Variants in SLC4A1 observed in about 807,000 individuals in gnomAD.
SLC4A1 encodes band 3 anion transport protein.
A neutral mutation model predicts 93.1 loss-of-function variants in SLC4A1; 29 were observed. The ratio of observed to expected loss-of-function variants is 0.31; its 90% CI spans 0.23 to 0.42. SLC4A1 has a LOEUF of 0.42. SLC4A1 is among the 20% of genes least tolerant of loss of function. SLC4A1 has a pLI of 1.00. For missense variants in SLC4A1, 965 were observed against 1,190.1 expected, an observed-to-expected ratio of 0.81 and a Z score of 2.78; for synonymous variants, 469 against 497.2, an observed-to-expected ratio of 0.94 and a Z score of 0.76.
At chr17:44,256,639 C>T in intron 13 of SLC4A1, among the ~76,000 whole-genome samples, 1 of 152,224 alleles carries the variant, frequency 6.6e-6, no homozygotes, top group East Asian at 1.9e-4. Flanking sequence ...GCTCCAGAGT[C>T]CCCCCAGCTC....
intron 6 of SLC4A1, 102 bp from the exon 7 acceptor site, chr17:44,260,034 C>G: frequency 6.8e-7 from 1 of 1,463,658 alleles, no homozygotes; most frequent in Non-Finnish European, 9.5e-7. Flanking sequence ...GGGTAGACAT[C>G]AAGGGTAGAC....
In SLC4A1 at chr17:44,258,945, A is replaced by C. The variant is rs924222917; in HGVS notation, c.876+218T>G. On this transcript the variant is annotated intron_variant, in intron 9 of 19. Coordinates refer to ENST00000262418, the MANE Select transcript of SLC4A1 (RefSeq NM_000342.4). This position sits in a 1 kb window ranked among gnomAD's most constrained non-coding sequence, Gnocchi z 6.1. Reference sequence around the variant, plus strand: ...ACCAGGTCATAGTGAGCTGGACTAGACTAAGCCAGGCCAAAGCCAACCAGA... The same window carrying C: ...ACCAGGTCATAGTGAGCTGGACTAGCCTAAGCCAGGCCAAAGCCAACCAGA... Among the ~76,000 whole-genome samples, 4 of 152,250 alleles carry C rather than the reference A, an allele frequency of 2.6e-5. No homozygotes were observed. Among genetic ancestry groups the C allele is most frequent in the Middle Eastern group, 3.4e-3 (1 of 294 alleles).
chr17:44,265,471 G>A (rs936833311), intron 1 of SLC4A1, among the ~76,000 whole-genome samples: 5 of 152,156 alleles, frequency 3.3e-5, no homozygotes, highest in African/African-American at 9.6e-5. Context: ...CTGGGTTCAC[G>A]CCATTCTCCT....
At position 44,253,056 on chromosome 17, in the gene SLC4A1, G is replaced by C. The variant is rs566131542; in HGVS notation, c.2311+62C>G. ...TGCTGGGTCCGAACAGAAAGGGGAA[G>C]GGGAAGGGGCCGGGGGTGAGGGGCA... On this transcript the variant is annotated intron_variant, in intron 17 of 19. Transcript: ENST00000262418. The C allele has an allele frequency of 5.7e-5, 90 of 1,579,178 alleles. No individual in the cohort carries two copies. In the South Asian group the frequency reaches 8.6e-4, roughly 15 times the overall value.
At chr17:44,263,732 TCCTTCCTC>T (rs1393733404) in intron 1 of SLC4A1, among the ~76,000 whole-genome samples, 9 of 146,780 alleles carry the variant, frequency 6.1e-5, no homozygotes, top group African/African-American at 2.1e-4. Flanking sequence ...CTTCCTTCCT[TCCTTCCTC>T]CATCCCTGCT....
Position 44,262,839 on chromosome 17 carries a change from A to AGGGAACACCCACCTGCAGCTCCTC in SLC4A1, c.4_15+12dup. 1 of 1,613,806 alleles carries AGGGAACACCCACCTGCAGCTCCTC rather than the reference A, an allele frequency of 6.2e-7. No individual in the cohort carries two copies. Among genetic ancestry groups the AGGGAACACCCACCTGCAGCTCCTC allele is most frequent in the Middle Eastern group, 1.7e-4 (1 of 6,058 alleles). On this transcript the variant is annotated intron_variant, in intron 2 of 19. Coordinates refer to ENST00000262418, the MANE Select transcript of SLC4A1 (RefSeq NM_000342.4). ...TCCAGGTGGGAGCACTGCTGATGCCAGGGAACACCCACCTGCAGCTCCTCC... is the reference window on the plus strand; with the variant it reads ...TCCAGGTGGGAGCACTGCTGATGCCAGGGAACACCCACCTGCAGCTCCTCGGGAACACCCACCTGCAGCTCCTCC...
chr17:44,251,412 C>T lies in SLC4A1; in HGVS notation c.2481+7G>A. 1 of 1,614,280 alleles carries T rather than the reference C, an allele frequency of 6.2e-7. No individual in the cohort carries two copies. On this transcript the variant is annotated splice_region_variant and intron_variant, in intron 18 of 19. Coordinates refer to ENST00000262418, the MANE Select transcript of SLC4A1 (RefSeq NM_000342.4). ...CCAGGCTGGGCAGCCAGAAAAGGGT[C>T]CTGTACCCGCTTGACGTAGGGCACA...
In SLC4A1 at chr17:44,250,453, G is replaced by C; in HGVS notation, c.*5C>G. 1 of 1,610,616 alleles carries C rather than the reference G, an allele frequency of 6.2e-7. No individual in the cohort carries two copies. Among genetic ancestry groups the C allele is most frequent in the Non-Finnish European group, 8.5e-7 (1 of 1,177,048 alleles). The stretch of plus-strand genomic sequence containing the variant: ...GGGGGAGGGTCTAGGGCCTGGGCCC[G>C]CCCCTCACACAGGCATGGCCACTTC... On this transcript the variant is annotated 3_prime_UTR_variant, in exon 20 of 20. Coordinates refer to ENST00000262418, the MANE Select transcript of SLC4A1 (RefSeq NM_000342.4).
At chr17:44,250,583 G>T in intron 19 of SLC4A1, 45 bp from the exon 20 acceptor site, 1 of 1,499,312 alleles carries the variant, frequency 6.7e-7, no homozygotes. Flanking sequence ...AGACCCTGGG[G>T]CCAGAAGAGC....
At chr17:44,253,510 C>T in intron 16 of SLC4A1, 139 bp from the exon 17 acceptor site, 1 of 1,050,234 alleles carries the variant, frequency 9.5e-7, no homozygotes, top group Admixed American at 2.8e-5. Context: ...TGCTCCCCTC[C>T]CTCCCGCCCC....
rs141605301 is a variant in SLC4A1, at chr17:44,259,333, A to C, written c.706T>G (p.Phe236Val). 7.9e-5 allele frequency: 127 copies of C among 1,613,600 alleles called. No individual in the cohort carries two copies. Among genetic ancestry groups the C allele is most frequent in the Non-Finnish European group, 9.3e-5 (110 of 1,179,928 alleles). ...AAGCCCAGCACCGGCTGCTCCAGGA[A>C]GTCGGCGCGGCCTGTTAGGGGATGA... ...ATLVLVGRAD[F>V]LEQPVLGFVR... Residue 236 changes from phenylalanine to valine, a missense_variant, in exon 9 of 20, where the codon TTC (phenylalanine) becomes GTC (valine). Phe to Val is a conservative substitution (Grantham distance 50). Coordinates refer to ENST00000262418, the MANE Select transcript of SLC4A1 (RefSeq NM_000342.4).
rs778603628 is a variant in SLC4A1 at position 44,260,756 on chromosome 17, C to T, written c.228G>A (p.Met76Ile). 2 of 1,614,066 alleles carry T rather than the reference C, an allele frequency of 1.2e-6. No homozygotes were observed. Among genetic ancestry groups the T allele is most frequent in the Non-Finnish European group, 1.7e-6 (2 of 1,180,034 alleles). Residue 76 changes from methionine (M) to isoleucine (I), a missense_variant, in exon 5 of 20, where the codon ATG becomes ATA. This residue lies in a region of SLC4A1 where 195 missense variants were observed against 183.5 expected (regional missense o/e 1.06). Transcript: ENST00000262418. ...CCAGTTGCACCCAGCGCGCCGCCTC[C>T]ATCCATCTCAGCTCCTGGTTCTTTT... ...MDEKNQELRW[M>I]EAARWVQLEE...
At chr17:44,267,489 T>C (rs564713861) in intron 1 of SLC4A1, among the ~76,000 whole-genome samples, 4 of 152,372 alleles carry the variant, frequency 2.6e-5, no homozygotes, top group East Asian at 3.9e-4. Flanking sequence ...GCCATCTTCA[T>C]TTCCCCTCTG....
Position 44,255,758 on chromosome 17 carries a change from A to G in SLC4A1, c.1715T>C (p.Leu572Pro). Residue 572 changes from leucine (L) to proline (P), a missense_variant, in exon 14 of 20, where the codon CTC (leucine) becomes CCC (proline). Transcript: ENST00000262418. The part of the protein sequence containing the change: ...KPQGPLPNTA[L>P]LSLVLMAGTF... ...ACCGGCCATGAGCACAAGGGAGAGG[A>G]GGGCTGTGTTGGGCAGGGGGCCCTG... The G allele has an allele frequency of 6.2e-7, 1 of 1,614,038 alleles. No homozygotes were observed. Among genetic ancestry groups the G allele is most frequent in the Non-Finnish European group, 8.5e-7 (1 of 1,180,014 alleles).
chr17:44,259,347 G>A lies in SLC4A1; in HGVS notation c.695-3C>T, dbSNP rs772264078. On this transcript the variant is annotated splice_polypyrimidine_tract_variant and splice_region_variant and intron_variant, in intron 8 of 19. Transcript: ENST00000262418. Reference sequence around the variant, plus strand: ...CTGCTCCAGGAAGTCGGCGCGGCCTGTTAGGGGATGAGAAGATCAGGCCAG... The same window carrying A: ...CTGCTCCAGGAAGTCGGCGCGGCCTATTAGGGGATGAGAAGATCAGGCCAG... 1.9e-6 allele frequency: 3 copies of A among 1,613,392 alleles called. No individual in the cohort carries two copies. Among genetic ancestry groups the A allele is most frequent in the Admixed American group, 1.7e-5 (1 of 59,914 alleles).
Position 44,249,194 on chromosome 17 carries a change from GT to G in SLC4A1, c.*1263del, listed in dbSNP as rs772978455. On this transcript the variant is annotated 3_prime_UTR_variant, in exon 20 of 20. Transcript: ENST00000262418. ...CTCTTTTCTACCACTTCCTGATTCT[GT>G]TTCCTCCATCTCTCACCACTTTCAC... 2.2e-6 allele frequency: 1 copy of G among 454,604 alleles called. No homozygotes were observed. The highest frequency in any genetic ancestry group is 1.6e-5 in the South Asian group (1 of 64,338). 28.2% of individuals were successfully genotyped at this position (454,604 alleles called of 1,614,324 possible).
Position 44,258,558 on chromosome 17 carries a change from G to T in SLC4A1, c.942C>A (p.Phe314Leu). 5 of 1,613,576 alleles carry T rather than the reference G, an allele frequency of 3.1e-6. No homozygotes were observed. Among genetic ancestry groups the T allele is most frequent in the Non-Finnish European group, 4.2e-6 (5 of 1,179,818 alleles). ...RGELLHSLEG[F>L]LDCSLVLPPT... ...GAGGCAGCACTAGGCTGCAGTCCAG[G>T]AAGCCCTCTAGGGAGTGCAGCAGCT... The change falls in exon 10 of 20, where the codon TTC becomes TTA. Residue 314 changes from phenylalanine (F) to leucine (L), a missense_variant. Coordinates refer to ENST00000262418, the MANE Select transcript of SLC4A1 (RefSeq NM_000342.4). The surrounding 1 kb of genome is among the most constrained non-coding windows in gnomAD (Gnocchi z 6.1).
At chr17:44,254,467 CCA>C in intron 16 of SLC4A1, 27 bp downstream of exon 16, 3 of 1,483,598 alleles carry the variant, frequency 2.0e-6, no homozygotes, top group Non-Finnish European at 2.8e-6. Flanking sequence ...TCCCACCCTC[CCA>C]GGCCCAGCCC....
In SLC4A1 at chr17:44,268,111, G is replaced by C. The variant is rs907350926; in HGVS notation, c.-126C>G. 1 of 985,350 alleles carries C rather than the reference G, an allele frequency of 1.0e-6. No homozygotes were observed. Among genetic ancestry groups the C allele is most frequent in the Non-Finnish European group, 1.2e-6 (1 of 829,970 alleles). 61.0% of individuals were successfully genotyped at this position (985,350 alleles called of 1,614,324 possible). A position where few individuals can be genotyped will look rare whatever the true frequency, so the allele number is the denominator to read the frequency against. ...TCCTGCAGCCGCTGGTGCCCTCTGC[G>C]ACCAGCTACGTTCCCACTCGTTCTG... On this transcript the variant is annotated 5_prime_UTR_variant, in exon 1 of 20. Transcript: ENST00000262418.
Sources: allele counts gnomAD v4.1 joint callset (sites outside exome capture counted in the v4.1 genomes callset), GRCh38; gene constraint gnomAD v4.1.1; regional missense constraint gnomAD v4.1.1; non-coding constraint Gnocchi (gnomAD v3.1); transcripts MANE v1.5; gene names NCBI Gene and HGNC (gene_info 2026-07-23, HGNC 2026-07-21).